Variants in PDE1C observed in about 807,000 individuals in gnomAD.
PDE1C encodes dual specificity calcium/calmodulin-dependent 3',5'-cyclic nucleotide phosphodiesterase 1C.
A neutral mutation model predicts 93.1 loss-of-function variants in PDE1C; 62 were observed. That is an observed-to-expected ratio of 0.67 (90% CI 0.54 to 0.82). The LOEUF (loss-of-function observed/expected upper bound fraction) is 0.82, where lower values mean the gene tolerates loss of function less well. Among genes scored for constraint, PDE1C ranks in the 40% least tolerant of loss-of-function variants. The probability of loss-of-function intolerance (pLI) is 0.00; values close to 1 mark genes in which losing one functional copy is unlikely to be tolerated. For missense variants in PDE1C, 742 were observed against 884.6 expected (o/e 0.84, Z 2.04); for synonymous variants, 325 against 310.1 (o/e 1.05, Z -0.50).
chr7:31,936,466 C>T (rs1161867257), intron 2 of PDE1C, among the ~76,000 whole-genome samples: 12 of 151,872 alleles, frequency 7.9e-5, no homozygotes, highest in African/African-American at 2.2e-4. Flanking sequence ...AGTTATAACA[C>T]CTCATTTATC....
At chr7:32,088,830 C>T (rs1554500518) in intron 3 of PDE1C, among the ~76,000 whole-genome samples, 1 of 152,226 alleles carries the variant, frequency 6.6e-6, no homozygotes, top group Non-Finnish European at 1.5e-5. Context: ...AGATGTGACT[C>T]ATGCTGTTCA....
chr7:32,082,572 C>A (rs1009188567), intron 3 of PDE1C, among the ~76,000 whole-genome samples: 5 of 152,326 alleles, frequency 3.3e-5, no homozygotes, highest in Admixed American at 3.3e-4. Context: ...TGACCCCTGA[C>A]CCCTGAGCAG....
At chr7:32,144,628 T>A (rs1433789573) in intron 3 of PDE1C, among the ~76,000 whole-genome samples, 1 of 152,086 alleles carries the variant, frequency 6.6e-6, no homozygotes, top group African/African-American at 2.4e-5. Flanking sequence ...GCATGCTGAG[T>A]AGGAAACAAA....
intron 2 of PDE1C, among the ~76,000 whole-genome samples, chr7:31,976,752 C>T (rs1159413531): frequency 6.6e-6 from 1 of 152,152 alleles, no homozygotes; most frequent in Non-Finnish European, 1.5e-5. Flanking sequence ...CGAATTATAT[C>T]ATGTGCCAAA....
chr7:31,824,817 C>A, intron 13 of PDE1C, 50 bp downstream of exon 13: 1 of 1,597,394 alleles, frequency 6.3e-7, no homozygotes, highest in Non-Finnish European at 8.6e-7. Context: ...AGAATTCTAT[C>A]CTCAAGGACA....
At position 32,048,012 on chromosome 7, in the gene PDE1C, T is replaced by C. The variant is rs548062488; in HGVS notation, c.128+3542A>G. 2.6e-5 allele frequency among the ~76,000 whole-genome samples: 4 copies of C among 152,318 alleles called. No individual in the cohort carries two copies. In the East Asian group the frequency reaches 7.7e-4, roughly 29 times the overall value. On this transcript the variant is annotated intron_variant, in intron 2 of 17. Coordinates refer to ENST00000396191, the MANE Select transcript of PDE1C (RefSeq NM_001191057.4). Reference sequence around the variant, plus strand: ...TACCATGAGAAAGGAATCACAGCTATTCCCAGTCCAAATAAACCATCAAGT... The same window carrying C: ...TACCATGAGAAAGGAATCACAGCTACTCCCAGTCCAAATAAACCATCAAGT...
intron 1 of PDE1C, among the ~76,000 whole-genome samples, chr7:32,250,429 T>C (rs1299092567): frequency 6.6e-6 from 1 of 152,044 alleles, no homozygotes; most frequent in Non-Finnish European, 1.5e-5. Flanking sequence ...AAAAATGGAG[T>C]TTATTGGGTC....
intron 16 of PDE1C, among the ~76,000 whole-genome samples, chr7:31,780,102 A>G (rs1783292957): frequency 6.6e-6 from 1 of 152,126 alleles, no homozygotes; most frequent in Non-Finnish European, 1.5e-5. Flanking sequence ...TTCTTAAACA[A>G]TATGCTGACA....
chr7:32,348,897 C>T (rs62456303), intron 1 of PDE1C, among the ~76,000 whole-genome samples: 18,894 of 152,114 alleles, frequency 0.12, 1,601 homozygotes, highest in East Asian at 0.37. Flanking sequence ...GATCAATAAG[C>T]AACCAAGAAC....
At chr7:31,933,299 T>C (rs977113691) in intron 2 of PDE1C, among the ~76,000 whole-genome samples, 23 of 152,158 alleles carry the variant, frequency 1.5e-4, no homozygotes, top group Admixed American at 1.4e-3. Context: ...TATATCAATA[T>C]GTCAATATAG....
intron 1 of PDE1C, among the ~76,000 whole-genome samples, chr7:32,334,461 G>T (rs1267762334): frequency 6.6e-6 from 1 of 151,874 alleles, no homozygotes; most frequent in Non-Finnish European, 1.5e-5. Context: ...ATAGGTTATT[G>T]GGGTACAGGT....
intron 1 of PDE1C, among the ~76,000 whole-genome samples, chr7:32,063,009 T>C (rs986558607): frequency 2.6e-5 from 4 of 152,240 alleles, no homozygotes; most frequent in Non-Finnish European, 5.9e-5. Flanking sequence ...ACTCATTTAT[T>C]TTGTTTAATA....
intron 8 of PDE1C, among the ~76,000 whole-genome samples, chr7:31,849,535 A>G (rs1051443311): frequency 2.0e-5 from 3 of 152,228 alleles, no homozygotes; most frequent in African/African-American, 7.2e-5. Context: ...CCTTCTGAAC[A>G]GAGATCAGAC....
At chr7:31,833,565 G>A (rs1452911765) in intron 11 of PDE1C, among the ~76,000 whole-genome samples, 1 of 152,200 alleles carries the variant, frequency 6.6e-6, no homozygotes, top group Non-Finnish European at 1.5e-5. Context: ...TCTCAGTGGA[G>A]ACGAGGAACT....
the PDE1C span, among the ~76,000 whole-genome samples, chr7:31,666,498 C>T: frequency 6.7e-6 from 1 of 150,098 alleles, no homozygotes; most frequent in African/African-American, 2.5e-5. Flanking sequence ...ACACAATTAA[C>T]TTAATACTGT....
chr7:32,278,282 A>C (rs1197623221), intron 1 of PDE1C, among the ~76,000 whole-genome samples: 5 of 152,196 alleles, frequency 3.3e-5, no homozygotes, highest in African/African-American at 1.2e-4. Context: ...TTCTAGTAGA[A>C]TATAGAGGGA....
intron 16 of PDE1C, among the ~76,000 whole-genome samples, chr7:31,806,598 G>A (rs370630459): frequency 6.6e-6 from 1 of 151,882 alleles, no homozygotes; most frequent in East Asian, 1.9e-4. Flanking sequence ...TGTTCATTAT[G>A]CCAGGATGTA....
At chr7:32,376,564 C>A (rs752825745) in intron 1 of PDE1C, among the ~76,000 whole-genome samples, 16 of 152,226 alleles carry the variant, frequency 1.1e-4, no homozygotes, top group Non-Finnish European at 2.1e-4. Context: ...TTTCTCTCCC[C>A]TTAAGCTCGA....
At chr7:32,091,229 T>G (rs1797453412) in intron 3 of PDE1C, among the ~76,000 whole-genome samples, 1 of 152,192 alleles carries the variant, frequency 6.6e-6, no homozygotes, top group Admixed American at 6.5e-5. Flanking sequence ...AGACAGGGAA[T>G]AAATGGGAGA....
Sources: allele counts gnomAD v4.1 joint callset (sites outside exome capture counted in the v4.1 genomes callset), GRCh38; gene constraint gnomAD v4.1.1; transcripts MANE v1.5; gene names NCBI Gene and HGNC (gene_info 2026-07-23, HGNC 2026-07-21).